The following DNAH6 variants were observed in gnomAD, a reference collection of about 807,000 sequenced individuals.
DNAH6 encodes the protein dynein axonemal heavy chain 6, also known as axonemal beta dynein heavy chain 6.
DNAH6 carries 340 observed loss-of-function variants against 491.4 expected under a neutral mutation model. The ratio of observed to expected loss-of-function variants is 0.69; its 90% CI spans 0.63 to 0.76. DNAH6 has a LOEUF of 0.76. Ranked by LOEUF, DNAH6 falls within the 30% of genes least tolerant of loss-of-function variation. The pLI, the probability that DNAH6 is intolerant of heterozygous loss-of-function variation, is 0.00. For synonymous variants in DNAH6, 1,603 were observed against 1,686.1 expected (o/e 0.95, Z 1.21); for missense variants, 4,443 against 4,972.2 (o/e 0.89, Z 3.20).
At chr2:84,597,575 A>G (rs1425853050) in intron 18 of DNAH6, among the ~76,000 whole-genome samples, 1 of 152,206 alleles carries the variant, frequency 6.6e-6, no homozygotes, top group Admixed American at 6.5e-5. Flanking sequence ...TTAAATATAG[A>G]CCTACCATAT....
At chr2:84,718,833 GTGT>G (rs1697809841) in intron 59 of DNAH6, among the ~76,000 whole-genome samples, 1 of 152,104 alleles carries the variant, frequency 6.6e-6, no homozygotes, top group Non-Finnish European at 1.5e-5. Flanking sequence ...CTCTTTTGTT[GTGT>G]TGTTAAGTTC....
chr2:84,607,808 G>T (rs1373794934), intron 21 of DNAH6, among the ~76,000 whole-genome samples: 1 of 152,116 alleles, frequency 6.6e-6, no homozygotes, highest in Non-Finnish European at 1.5e-5. Flanking sequence ...GCTGAAGGTT[G>T]GGGGTGCTGT....
Position 84,553,000 on chromosome 2 carries a change from C to T in DNAH6, c.1568C>T (p.Ser523Leu). ...ACAGAACTAATGTTGACAGTCCAGT[C>T]ACTGCTCTTTGAGCCTTCTCTGGAA... ...FLTELMLTVQ[S>L]LLFEPSLEDF... The change falls in exon 10 of 77, where the codon TCA becomes TTA. Residue 523 changes from serine to leucine, a missense_variant. Coordinates refer to ENST00000389394, the MANE Select transcript of DNAH6 (RefSeq NM_001370.2). 6.2e-7 allele frequency: 1 copy of T among 1,609,346 alleles called. No individual in the cohort carries two copies. The highest frequency in any genetic ancestry group is 8.5e-7 in the Non-Finnish European group (1 of 1,177,498).
chr2:84,489,412 G>A, the DNAH6 span, among the ~76,000 whole-genome samples: 12 of 151,998 alleles, frequency 7.9e-5, no homozygotes, highest in African/African-American at 2.9e-4. Context: ...TATCTTTTAT[G>A]ATATGATAAA....
At chr2:84,604,219 T>C in intron 18 of DNAH6, 120 bp from the exon 19 acceptor site, 1 of 756,046 alleles carries the variant, frequency 1.3e-6, no homozygotes, top group East Asian at 2.7e-5. Context: ...TTTTGCTCTG[T>C]GGAAAGAGGG....
At chr2:84,520,546 T>A (rs954455697) in intron 2 of DNAH6, among the ~76,000 whole-genome samples, 12 of 152,074 alleles carry the variant, frequency 7.9e-5, no homozygotes, top group Non-Finnish European at 1.8e-4. Context: ...TACACAATAG[T>A]TGTTTTTTTC....
intron 46 of DNAH6, among the ~76,000 whole-genome samples, chr2:84,695,479 C>T (rs532961545): frequency 1.5e-3 from 232 of 152,114 alleles, no homozygotes; most frequent in African/African-American, 5.4e-3. Context: ...ATTTCTTTTA[C>T]GTTATACTCA....
At chr2:84,635,977 A>G (rs1204059103) in intron 30 of DNAH6, among the ~76,000 whole-genome samples, 1 of 152,104 alleles carries the variant, frequency 6.6e-6, no homozygotes, top group African/African-American at 2.4e-5. Context: ...ACCCATCACT[A>G]TTAATCCCAG....
the DNAH6 span, among the ~76,000 whole-genome samples, chr2:84,473,734 T>G: frequency 6.6e-6 from 1 of 152,222 alleles, no homozygotes; most frequent in Non-Finnish European, 1.5e-5. Context: ...TGAGGCTTAA[T>G]AGCACTTTGT....
intron 10 of DNAH6, among the ~76,000 whole-genome samples, chr2:84,555,755 C>T (rs1486355567): frequency 6.6e-6 from 1 of 152,072 alleles, no homozygotes; most frequent in East Asian, 1.9e-4. Context: ...TGAAAGGTGC[C>T]CAAGACAGCA....
chr2:84,604,631 G>T, intron 19 of DNAH6, 80 bp downstream of exon 19: 3 of 1,146,680 alleles, frequency 2.6e-6, no homozygotes, highest in Non-Finnish European at 3.7e-6. Context: ...TGATCTGGAT[G>T]TTTTTTTCAA....
chr2:84,805,828 G>A, intron 71 of DNAH6, 34 bp downstream of exon 71: 1 of 1,525,304 alleles, frequency 6.6e-7, no homozygotes, highest in Non-Finnish European at 8.8e-7. Flanking sequence ...GTATGTAATG[G>A]GAATTTTAGG....
intron 33 of DNAH6, among the ~76,000 whole-genome samples, chr2:84,648,556 T>A (rs1342045261): frequency 6.6e-6 from 1 of 152,160 alleles, no homozygotes; most frequent in African/African-American, 2.4e-5. Flanking sequence ...CCAACCCTCA[T>A]GGATGATTTT....
chr2:84,803,569 C>T (rs1679131919), intron 70 of DNAH6, among the ~76,000 whole-genome samples: 3 of 150,086 alleles, frequency 2.0e-5, no homozygotes, highest in African/African-American at 7.4e-5. Context: ...TAATAAAATG[C>T]TAAAAATCAA....
At chr2:84,553,364 CTTTTCTTTCTT>C (rs1478482606) in intron 10 of DNAH6, among the ~76,000 whole-genome samples, 2 of 12,138 alleles carry the variant, frequency 1.6e-4, no homozygotes, top group Admixed American at 8.6e-4. Context: ...CTTTTCTTTT[CTTTTCTTTCTT>C]TCTTTCTTTC....
At chr2:84,612,716 C>T (rs1686449816) in intron 22 of DNAH6, among the ~76,000 whole-genome samples, 1 of 152,046 alleles carries the variant, frequency 6.6e-6, no homozygotes, top group South Asian at 2.1e-4. Context: ...CTGACCTTCC[C>T]GCCTCCTGCT....
chr2:84,463,594 TC>T, the DNAH6 span, among the ~76,000 whole-genome samples: 1 of 152,032 alleles, frequency 6.6e-6, no homozygotes, highest in Non-Finnish European at 1.5e-5. Context: ...ATATATCCCT[TC>T]CCCCTACCCC....
intron 16 of DNAH6, among the ~76,000 whole-genome samples, chr2:84,592,196 A>G (rs1003386582): frequency 6.6e-6 from 1 of 152,150 alleles, no homozygotes; most frequent in Non-Finnish European, 1.5e-5. Flanking sequence ...TATACTTGAT[A>G]AGAGGTTATT....
At chr2:84,751,387 A>T (rs17025540) in intron 63 of DNAH6, among the ~76,000 whole-genome samples, 5 of 152,218 alleles carry the variant, frequency 3.3e-5, no homozygotes, top group African/African-American at 1.2e-4. Flanking sequence ...CAACTGCTCT[A>T]TTGGGAGAAG....
Sources: gnomAD v4.1 joint callset for allele counts (sites outside exome capture counted in the v4.1 genomes callset) on GRCh38, gnomAD v4.1.1 for gene constraint, MANE v1.5 for transcripts, NCBI Gene and HGNC (gene_info 2026-07-23, HGNC 2026-07-21) for gene names.